RRP12: variants seen among roughly 807,000 people sequenced by gnomAD.
The protein encoded by RRP12 is ribosomal RNA processing 12 homolog.
RRP12 carries 78 observed loss-of-function variants against 157.3 expected under a neutral mutation model. The ratio of observed to expected loss-of-function variants is 0.50; its 90% CI spans 0.41 to 0.60. The LOEUF (loss-of-function observed/expected upper bound fraction) is 0.60. RRP12 is among the 20% of genes least tolerant of loss of function. The probability of loss-of-function intolerance (pLI) is 0.00; values close to 1 mark genes in which losing one functional copy is unlikely to be tolerated. For synonymous variants in RRP12, 726 were observed against 670.9 expected (o/e 1.08, Z -1.27); for missense variants, 1,521 against 1,679.9 (o/e 0.91, Z 1.65).
intron 8 of RRP12, among the ~76,000 whole-genome samples, chr10:97,387,515 C>A (rs1283417679): frequency 6.6e-6 from 1 of 151,656 alleles, no homozygotes; most frequent in Non-Finnish European, 1.5e-5. Context: ...TATTTTCAAT[C>A]CAAGGTTGGT....
chr10:97,363,620 C>T (rs1205977447), intron 30 of RRP12, among the ~76,000 whole-genome samples: 1 of 152,192 alleles, frequency 6.6e-6, no homozygotes, highest in Non-Finnish European at 1.5e-5. Context: ...TAGCACATGC[C>T]CTCGCTAGAG....
chr10:97,373,781 C>T (rs1396034107), intron 16 of RRP12, 44 bp from the exon 17 acceptor site: 5 of 1,613,314 alleles, frequency 3.1e-6, no homozygotes, highest in Non-Finnish European at 1.7e-6. Context: ...ACGCAGCCAC[C>T]TGTGCCCCTG....
chr10:97,372,589 C>T, intron 19 of RRP12, 147 bp downstream of exon 19: 1 of 704,480 alleles, frequency 1.4e-6, no homozygotes. Flanking sequence ...AGGAACTAGT[C>T]AGCACAGCCT....
chr10:97,362,105 C>CAAA (rs11293071), intron 30 of RRP12, among the ~76,000 whole-genome samples: 2 of 95,110 alleles, frequency 2.1e-5, no homozygotes, highest in Non-Finnish European at 2.3e-5. Flanking sequence ...GACTTCATCT[C>CAAA]AAAAAAAAAA....
Position 97,370,384 on chromosome 10 carries a change from C to T in RRP12, c.2689+71G>A, listed in dbSNP as rs1357850729. On this transcript the variant is annotated intron_variant, in intron 23 of 33. Transcript: ENST00000370992. The stretch of plus-strand genomic sequence containing the variant: ...GGCCAGGGCACAGAGCTCTCCCCAC[C>T]TTTTTTGAGGGGTGCTTCCCCCCAC... The T allele has an allele frequency of 2.9e-6, 4 of 1,393,400 alleles. No homozygotes were observed. The African/African-American group carries it at 4.3e-5, about 15-fold the overall frequency. The allele number at this position is 1,393,400 out of a possible 1,614,324, so 86.3% of individuals were successfully genotyped here.
chr10:97,367,217 A>C, intron 25 of RRP12, 85 bp from the exon 26 acceptor site: 3 of 1,187,018 alleles, frequency 2.5e-6, no homozygotes, highest in Non-Finnish European at 3.7e-6. Context: ...GGGACGCAGC[A>C]TGATCAAGCC....
Position 97,401,273 on chromosome 10 carries a change from T to A in RRP12, c.-42A>T. 1 of 1,611,640 alleles carries A rather than the reference T, an allele frequency of 6.2e-7. No homozygotes were observed. The highest frequency in any genetic ancestry group is 8.5e-7 in the Non-Finnish European group (1 of 1,178,006). On this transcript the variant is annotated 5_prime_UTR_variant, in exon 1 of 34. It adds an upstream start codon to the 5' untranslated region. Coordinates refer to ENST00000370992, the MANE Select transcript of RRP12 (RefSeq NM_015179.4). ...CGAGGAATGAGCTTAAATGACCGGC[T>A]TCCAGGGACGTAGAAACACGCTCAG...
rs1487458203 is a variant in RRP12, at chr10:97,366,203, T to C, written c.3422A>G (p.Lys1141Arg). 1.2e-6 allele frequency: 2 copies of C among 1,611,522 alleles called. No homozygotes were observed. The highest frequency in any genetic ancestry group is 2.2e-5 in the East Asian group (1 of 44,884). ...ATQPGPGRGRKKDHGFKVSAD... is the reference protein window; with the variant it reads ...ATQPGPGRGRRKDHGFKVSAD... The stretch of plus-strand genomic sequence containing the variant: ...GCTCACCTTGAAGCCGTGGTCCTTC[T>C]TCCTGCCCCGGCCTGGCCCTGGCTG... Residue 1141 changes from lysine (K) to arginine (R), a missense_variant, in exon 29 of 34, where the codon AAG becomes AGG. By Grantham distance (26) the Lys-to-Arg change is conservative (BLOSUM62 2). Transcript: ENST00000370992.
Position 97,383,731 on chromosome 10 carries a change from G to T in RRP12, c.1208+1435C>A, listed in dbSNP as rs187162596. 2.0e-3 allele frequency among the ~76,000 whole-genome samples: 301 copies of T among 152,346 alleles called. 2 individuals carry two copies. The highest frequency in any genetic ancestry group is 7.0e-3 in the African/African-American group (291 of 41,574). On this transcript the variant is annotated intron_variant, in intron 10 of 33. Transcript: ENST00000370992. ...TCGGTTCACGGGACTACGGAACCTG[G>T]AGAACGGAGCCGCCAGTCCAGGCGA...
intron 1 of RRP12, 34 bp downstream of exon 1, chr10:97,401,059 G>A (rs1019653259): frequency 6.2e-7 from 1 of 1,606,702 alleles, no homozygotes; most frequent in African/African-American, 1.3e-5. Context: ...CTGGAACCCC[G>A]CCCCCGGCTG....
intron 2 of RRP12, among the ~76,000 whole-genome samples, chr10:97,399,794 T>C (rs181441618): frequency 9.4e-5 from 14 of 149,688 alleles, no homozygotes; most frequent in South Asian, 6.3e-4. Context: ...GGCACATGCC[T>C]GTAATGGCAG....
chr10:97,381,085 T>C lies in RRP12; in HGVS notation c.1419-172A>G, dbSNP rs138031140. Among the ~76,000 whole-genome samples, 12 of 152,314 alleles carry C rather than the reference T, an allele frequency of 7.9e-5. No individual in the cohort carries two copies. In the East Asian group the frequency reaches 1.9e-3, roughly 24 times the overall value. ...ATTTGTGACATGCCCACACTCCCTA[T>C]GTTAAGAGTTTAATTTAGATAATGC... On this transcript the variant is annotated intron_variant, in intron 12 of 33. Coordinates refer to ENST00000370992, the MANE Select transcript of RRP12 (RefSeq NM_015179.4).
chr10:97,356,891 C>T lies in RRP12; in HGVS notation c.*203G>A. ...AGAGGCACTGAGGCCACATTCCCAT[C>T]TCCAGGCACCAGGGATGTCTCTGAA... On this transcript the variant is annotated 3_prime_UTR_variant, in exon 34 of 34. Transcript: ENST00000370992. 1 of 495,006 alleles carries T rather than the reference C, an allele frequency of 2.0e-6. No individual in the cohort carries two copies. Among genetic ancestry groups the T allele is most frequent in the Non-Finnish European group, 3.6e-6 (1 of 281,602 alleles). 30.7% of individuals were successfully genotyped at this position (495,006 alleles called of 1,614,324 possible).
In RRP12 at chr10:97,370,906, G is replaced by T; in HGVS notation, c.2502+17C>A. 1 of 1,613,428 alleles carries T rather than the reference G, an allele frequency of 6.2e-7. No individual in the cohort carries two copies. The highest frequency in any genetic ancestry group is 1.7e-4 in the Middle Eastern group (1 of 6,056). On this transcript the variant is annotated intron_variant, in intron 21 of 33. Coordinates refer to ENST00000370992, the MANE Select transcript of RRP12 (RefSeq NM_015179.4). The stretch of plus-strand genomic sequence containing the variant: ...CCCAGGCTCCCTCGGCAGAGCGGGT[G>T]GCCCTAGAGCCCTCACCCTCTTGGC...
chr10:97,359,088 G>C, intron 31 of RRP12, 78 bp from the exon 32 acceptor site: 1 of 1,102,332 alleles, frequency 9.1e-7, no homozygotes, highest in Non-Finnish European at 1.4e-6. Flanking sequence ...CACCCTCTCT[G>C]AGAGAGCTGC....
At chr10:97,381,896 C>T in intron 10 of RRP12, 70 bp from the exon 11 acceptor site, 4 of 1,076,282 alleles carry the variant, frequency 3.7e-6, no homozygotes, top group Non-Finnish European at 4.2e-6. Context: ...GGGCTCAGGG[C>T]TGAGACGGCC....
chr10:97,382,898 A>T (rs895932098), intron 10 of RRP12, among the ~76,000 whole-genome samples: 6 of 151,896 alleles, frequency 4.0e-5, no homozygotes, highest in Non-Finnish European at 7.4e-5. Flanking sequence ...AGTAGCTGGG[A>T]TTACAGGTGT....
intron 25 of RRP12, 80 bp downstream of exon 25, chr10:97,369,345 C>T: frequency 7.0e-7 from 1 of 1,425,874 alleles, no homozygotes; most frequent in Non-Finnish European, 9.6e-7. Flanking sequence ...TTGAAACTTG[C>T]TGGCCTCGAA....
At position 97,359,015 on chromosome 10, in the gene RRP12, G is replaced by A. The variant is rs114837525; in HGVS notation, c.3641-5C>T. On this transcript the variant is annotated splice_polypyrimidine_tract_variant and splice_region_variant and intron_variant, in intron 31 of 33. Transcript: ENST00000370992. ...GATGAATGCCAGAGCCTCCAGCTAC[G>A]GGGAGAACACAGGACCATGAGTCAG... The A allele has an allele frequency of 2.5e-3, 3,973 of 1,612,846 alleles. 10 individuals are homozygous for A. Among genetic ancestry groups the A allele is most frequent in the African/African-American group, 6.3e-3 (474 of 75,022 alleles).
Sources: allele counts gnomAD v4.1 joint callset (sites outside exome capture counted in the v4.1 genomes callset), GRCh38; gene constraint gnomAD v4.1.1; transcripts MANE v1.5; gene names NCBI Gene and HGNC (gene_info 2026-07-23, HGNC 2026-07-21).